MDGA2: variants seen among roughly 807,000 people sequenced by gnomAD.
The protein encoded by MDGA2 is MAM domain containing glycosylphosphatidylinositol anchor 2.
A neutral mutation model predicts 117.8 loss-of-function variants in MDGA2; 40 were observed. The observed-to-expected ratio is 0.34, with a 90% CI of 0.26 to 0.44. The LOEUF (loss-of-function observed/expected upper bound fraction) is 0.44, where lower values mean the gene tolerates loss of function less well. MDGA2 is among the 20% of genes least tolerant of loss of function. MDGA2 has a pLI of 1.00. For synonymous variants in MDGA2, 452 were observed against 439.0 expected (o/e 1.03, Z -0.37); for missense variants, 1,123 against 1,250.6 (o/e 0.90, Z 1.54).
intron 14 of MDGA2, among the ~76,000 whole-genome samples, chr14:46,859,044 A>T (rs1881399632): frequency 6.6e-6 from 1 of 152,070 alleles, no homozygotes; most frequent in Admixed American, 6.6e-5. Context: ...GTTGCCCTAA[A>T]TTCTCTAACT....
chr14:47,453,956 A>G (rs185635748), intron 1 of MDGA2, among the ~76,000 whole-genome samples: 1 of 152,326 alleles, frequency 6.6e-6, no homozygotes. Flanking sequence ...TTCTAATCTC[A>G]TGGAATATTA....
chr14:47,014,135 G>A (rs1410953917), intron 8 of MDGA2, among the ~76,000 whole-genome samples: 3 of 151,968 alleles, frequency 2.0e-5, no homozygotes, highest in Non-Finnish European at 2.9e-5. Context: ...GTGACCAGGT[G>A]CATTGTCAGT....
chr14:47,091,703 C>G (rs1341768167), intron 6 of MDGA2, among the ~76,000 whole-genome samples: 1 of 151,802 alleles, frequency 6.6e-6, no homozygotes, highest in Non-Finnish European at 1.5e-5. Flanking sequence ...AGCCTTCAAG[C>G]CATTGGGTAT....
At chr14:47,335,765 A>C (rs2139928393) in intron 1 of MDGA2, among the ~76,000 whole-genome samples, 3 of 34,528 alleles carry the variant, frequency 8.7e-5, no homozygotes, top group African/African-American at 1.9e-4. Flanking sequence ...TACATACAGG[A>C]TCACTCTGGC....
chr14:47,429,596 G>T (rs1482340818), intron 1 of MDGA2, among the ~76,000 whole-genome samples: 1 of 151,970 alleles, frequency 6.6e-6, no homozygotes, highest in Non-Finnish European at 1.5e-5. Context: ...TTCACATTAG[G>T]TACAATCTTC....
chr14:46,880,410 A>C (rs1182060499), intron 11 of MDGA2, among the ~76,000 whole-genome samples: 1 of 152,094 alleles, frequency 6.6e-6, no homozygotes, highest in Non-Finnish European at 1.5e-5. Context: ...TTCAAACCTG[A>C]AATACATTGA....
At position 47,534,014 on chromosome 14, in the gene MDGA2, C is replaced by T. The variant is rs146129000; in HGVS notation, c.280+140503G>A. The stretch of plus-strand genomic sequence containing the variant: ...AGGTCCTAGTTTAAGCAGCCTAAAC[C>T]TTTTCCACTATAGTAATTAAATGGG... On this transcript the variant is annotated intron_variant, in intron 1 of 16. Coordinates refer to ENST00000399232, the MANE Select transcript of MDGA2 (RefSeq NM_001113498.3). Among the ~76,000 whole-genome samples, 807 of 152,238 alleles carry T rather than the reference C, an allele frequency of 5.3e-3. 8 individuals are homozygous for T. The highest frequency in any genetic ancestry group is 0.019 in the African/African-American group (769 of 41,536).
intron 2 of MDGA2, among the ~76,000 whole-genome samples, chr14:47,257,320 C>T (rs775936515): frequency 6.0e-4 from 92 of 152,220 alleles, no homozygotes; most frequent in Non-Finnish European, 9.9e-4. Context: ...AGAGACCTTT[C>T]CCTTGCTGTT....
intron 1 of MDGA2, among the ~76,000 whole-genome samples, chr14:47,521,408 A>C (rs1172332744): frequency 3.3e-5 from 5 of 152,194 alleles, no homozygotes. Context: ...TATCTTATTA[A>C]ATCCTGACCT....
intron 2 of MDGA2, among the ~76,000 whole-genome samples, chr14:47,276,264 T>C (rs1336456457): frequency 6.6e-6 from 1 of 152,172 alleles, no homozygotes; most frequent in Non-Finnish European, 1.5e-5. Context: ...GGGAACCTCC[T>C]TAGATGAATG....
chr14:47,425,071 G>T (rs1020089046), intron 1 of MDGA2, among the ~76,000 whole-genome samples: 1 of 152,074 alleles, frequency 6.6e-6, no homozygotes, highest in Non-Finnish European at 1.5e-5. Flanking sequence ...CCTTCAAAAA[G>T]AATTTCTCAT....
intron 1 of MDGA2, among the ~76,000 whole-genome samples, chr14:47,421,628 T>G (rs1314293349): frequency 6.6e-6 from 1 of 152,140 alleles, no homozygotes; most frequent in Non-Finnish European, 1.5e-5. Context: ...TAAATAGAGT[T>G]GTAATTATCC....
At chr14:47,617,330 G>A (rs769328322) in intron 1 of MDGA2, among the ~76,000 whole-genome samples, 38 of 151,374 alleles carry the variant, frequency 2.5e-4, no homozygotes, top group East Asian at 7.8e-4. Context: ...TCAGCCTCCC[G>A]AGTGGCTGGG....
chr14:47,233,702 TAC>T (rs1472530315), intron 2 of MDGA2, among the ~76,000 whole-genome samples: 1 of 152,146 alleles, frequency 6.6e-6, no homozygotes, highest in Non-Finnish European at 1.5e-5. Flanking sequence ...AACATTTTGT[TAC>T]AGTTTATAAA....
chr14:47,400,724 CTTTTTT>C (rs111345438), intron 1 of MDGA2, among the ~76,000 whole-genome samples: 2 of 129,174 alleles, frequency 1.5e-5, no homozygotes, highest in Admixed American at 7.8e-5. Context: ...AGTGGTAAGG[CTTTTTT>C]TTTTTTCTTT....
intron 2 of MDGA2, among the ~76,000 whole-genome samples, chr14:47,262,381 A>C (rs1887825111): frequency 6.6e-6 from 1 of 152,140 alleles, no homozygotes; most frequent in South Asian, 2.1e-4. Context: ...TCTTGGCTTT[A>C]TTTGTATTTT....
chr14:47,493,611 C>T (rs566922795), intron 1 of MDGA2, among the ~76,000 whole-genome samples: 1 of 152,014 alleles, frequency 6.6e-6, no homozygotes, highest in African/African-American at 2.4e-5. Flanking sequence ...AGCCACCGGA[C>T]CTGGCCTAAA....
At chr14:47,008,411 G>A (rs1594521506) in intron 8 of MDGA2, among the ~76,000 whole-genome samples, 1 of 152,004 alleles carries the variant, frequency 6.6e-6, no homozygotes, top group East Asian at 1.9e-4. Context: ...GCATAAGGCA[G>A]TAAGTCTTTG....
At chr14:47,291,827 C>A (rs971192135) in intron 2 of MDGA2, among the ~76,000 whole-genome samples, 2 of 152,156 alleles carry the variant, frequency 1.3e-5, no homozygotes, top group African/African-American at 4.8e-5. Context: ...AGGAGACCAT[C>A]GTGTAATCAT....
Sources: allele counts gnomAD v4.1 joint callset (sites outside exome capture counted in the v4.1 genomes callset), GRCh38; gene constraint gnomAD v4.1.1; transcripts MANE v1.5; gene names NCBI Gene and HGNC (gene_info 2026-07-23, HGNC 2026-07-21).